SPOCK3: variants seen among roughly 807,000 people sequenced by gnomAD.
The protein encoded by SPOCK3 is testican-3.
A neutral mutation model predicts 56.6 loss-of-function variants in SPOCK3; 30 were observed. The ratio of observed to expected loss-of-function variants is 0.53; its 90% CI spans 0.40 to 0.72. The LOEUF (loss-of-function observed/expected upper bound fraction) is 0.72, where lower values mean the gene tolerates loss of function less well. SPOCK3 is among the 30% of genes least tolerant of loss of function. SPOCK3 has a pLI of 0.00. For synonymous variants in SPOCK3, 196 were observed against 183.3 expected, an observed-to-expected ratio of 1.07 and a Z score of -0.56; for missense variants, 527 against 530.0, an observed-to-expected ratio of 0.99 and a Z score of 0.06.
intron 2 of SPOCK3, among the ~76,000 whole-genome samples, chr4:167,106,637 A>T (rs11132867): frequency 1.3e-5 from 2 of 151,420 alleles, no homozygotes; most frequent in African/African-American, 2.4e-5. Context: ...GAAGAAAAAA[A>T]TAATAAAGAT....
At chr4:166,937,244 T>G (rs995731669) in intron 4 of SPOCK3, among the ~76,000 whole-genome samples, 1 of 151,868 alleles carries the variant, frequency 6.6e-6, no homozygotes, top group African/African-American at 2.4e-5. Flanking sequence ...AGAAAATAAA[T>G]GTAATACATT....
At chr4:166,827,733 T>C (rs1487573162) in intron 6 of SPOCK3, among the ~76,000 whole-genome samples, 1 of 151,912 alleles carries the variant, frequency 6.6e-6, no homozygotes, top group Non-Finnish European at 1.5e-5. Context: ...CAGAGTTTGC[T>C]GAAACCAAGT....
intron 4 of SPOCK3, among the ~76,000 whole-genome samples, chr4:166,927,904 T>C (rs542619073): frequency 1.3e-5 from 2 of 152,068 alleles, no homozygotes; most frequent in East Asian, 3.9e-4. Context: ...AAATGCAACT[T>C]AAAAATGAGC....
At chr4:167,179,633 T>C (rs762956405) in intron 2 of SPOCK3, among the ~76,000 whole-genome samples, 6 of 152,166 alleles carry the variant, frequency 3.9e-5, no homozygotes, top group Non-Finnish European at 8.8e-5. Context: ...ACAATCTATA[T>C]TGATTTTTAC....
intron 2 of SPOCK3, among the ~76,000 whole-genome samples, chr4:167,208,617 C>T (rs571514049): frequency 1.3e-5 from 2 of 151,894 alleles, no homozygotes; most frequent in Non-Finnish European, 2.9e-5. Flanking sequence ...ATTTCTATTC[C>T]ATTACTCCTT....
intron 3 of SPOCK3, among the ~76,000 whole-genome samples, chr4:167,025,890 C>T (rs897450216): frequency 6.6e-6 from 1 of 152,068 alleles, no homozygotes; most frequent in Admixed American, 6.6e-5. Context: ...CTACTACTCA[C>T]CTAGGCTACA....
At chr4:167,084,632 AG>A (rs570603870) in intron 2 of SPOCK3, among the ~76,000 whole-genome samples, 105 of 152,166 alleles carry the variant, frequency 6.9e-4, no homozygotes, top group Non-Finnish European at 1.3e-3. Context: ...TTCCTATCAT[AG>A]GAAGTGGGAA....
At chr4:166,925,910 A>C (rs1303413012) in intron 4 of SPOCK3, among the ~76,000 whole-genome samples, 1 of 152,296 alleles carries the variant, frequency 6.6e-6, no homozygotes, top group South Asian at 2.1e-4. Flanking sequence ...CTTATTTACC[A>C]GTTTCTGTTT....
intron 3 of SPOCK3, among the ~76,000 whole-genome samples, chr4:167,007,074 C>A (rs1749540414): frequency 6.6e-6 from 1 of 152,152 alleles, no homozygotes. Flanking sequence ...CCAAGGAGTA[C>A]ATATATCCCT....
intron 4 of SPOCK3, among the ~76,000 whole-genome samples, chr4:166,988,069 TA>T (rs1747359089): frequency 6.6e-6 from 1 of 152,210 alleles, no homozygotes; most frequent in Non-Finnish European, 1.5e-5. Context: ...ACAGAAAGAT[TA>T]AACATATTAC....
intron 6 of SPOCK3, among the ~76,000 whole-genome samples, chr4:166,796,950 A>T (rs1430204576): frequency 6.6e-6 from 1 of 152,214 alleles, no homozygotes; most frequent in East Asian, 1.9e-4. Context: ...AGAAAAGTCC[A>T]AAGTACATGT....
At chr4:167,158,489 T>C (rs1041598270) in intron 2 of SPOCK3, among the ~76,000 whole-genome samples, 2 of 151,828 alleles carry the variant, frequency 1.3e-5, no homozygotes, top group East Asian at 3.9e-4. Flanking sequence ...TACAGTAGAG[T>C]TTTGTCAGGA....
chr4:166,843,132 G>A (rs1306424947), intron 6 of SPOCK3, among the ~76,000 whole-genome samples: 1 of 152,162 alleles, frequency 6.6e-6, no homozygotes, highest in Admixed American at 6.5e-5. Flanking sequence ...CCAAGCCCGT[G>A]CCCACCCAGA....
intron 8 of SPOCK3, chr4:166,754,222 T>G: frequency 9.1e-7 from 1 of 1,100,706 alleles, no homozygotes; most frequent in Non-Finnish European, 1.1e-6. Flanking sequence ...AGTATCTAAG[T>G]TCTTAATATT....
intron 4 of SPOCK3, among the ~76,000 whole-genome samples, chr4:166,913,507 C>T (rs533504404): frequency 2.6e-5 from 4 of 152,224 alleles, no homozygotes; most frequent in African/African-American, 7.2e-5. Context: ...TTTGAAAGTC[C>T]TGTAGTAAAT....
At chr4:166,952,029 G>A (rs1358423079) in intron 4 of SPOCK3, among the ~76,000 whole-genome samples, 1 of 152,180 alleles carries the variant, frequency 6.6e-6, no homozygotes, top group African/African-American at 2.4e-5. Context: ...GCACAAGACA[G>A]GGATGCCTTC....
At chr4:166,784,118 C>G (rs1210412967) in intron 7 of SPOCK3, among the ~76,000 whole-genome samples, 1 of 152,040 alleles carries the variant, frequency 6.6e-6, no homozygotes, top group African/African-American at 2.4e-5. Context: ...ACATTTCATT[C>G]ACCCAGTGAG....
At chr4:167,195,672 T>C (rs908699088) in intron 2 of SPOCK3, among the ~76,000 whole-genome samples, 13 of 152,092 alleles carry the variant, frequency 8.5e-5, no homozygotes, top group Non-Finnish European at 1.8e-4. Flanking sequence ...TCTTTTCAGG[T>C]CCCTTGGTAG....
intron 8 of SPOCK3, among the ~76,000 whole-genome samples, chr4:166,749,099 A>G (rs1736024387): frequency 7.3e-6 from 1 of 137,034 alleles, no homozygotes; most frequent in Non-Finnish European, 1.5e-5. Flanking sequence ...AAGACATAGA[A>G]CTAGAAATAC....
Sources: gnomAD v4.1 joint callset for allele counts (sites outside exome capture counted in the v4.1 genomes callset) on GRCh38, gnomAD v4.1.1 for gene constraint, MANE v1.5 for transcripts, NCBI Gene and HGNC (gene_info 2026-07-23, HGNC 2026-07-21) for gene names.